ARFGEF3: variants seen among roughly 807,000 people sequenced by gnomAD.
ARFGEF3 encodes brefeldin A-inhibited guanine nucleotide-exchange protein 3.
In ARFGEF3, 96 loss-of-function variants were observed where a neutral mutation model predicts 221.7. That is an observed-to-expected ratio of 0.43 (90% CI 0.37 to 0.51). The LOEUF (loss-of-function observed/expected upper bound fraction) is 0.51, where lower values mean the gene tolerates loss of function less well. ARFGEF3 is among the 20% of genes least tolerant of loss of function. The pLI is 0.00. For synonymous variants in ARFGEF3, 1,145 were observed against 1,126.8 expected, an observed-to-expected ratio of 1.02 and a Z score of -0.32; for missense variants, 2,410 against 2,789.9, an observed-to-expected ratio of 0.86 and a Z score of 3.07.
intron 7 of ARFGEF3, 36 bp from the exon 8 acceptor site, chr6:138,245,477 C>T (rs1459252910): frequency 5.4e-6 from 8 of 1,484,958 alleles, no homozygotes; most frequent in Non-Finnish European, 7.5e-6. Context: ...TGCCCCCTGT[C>T]GATGTCTCAT....
chr6:138,182,762 A>T (rs1400971546), intron 2 of ARFGEF3, among the ~76,000 whole-genome samples: 1 of 152,176 alleles, frequency 6.6e-6, no homozygotes, highest in Non-Finnish European at 1.5e-5. Context: ...GAGGCTAGGT[A>T]ACAATTGATA....
In ARFGEF3 at chr6:138,222,282, T is replaced by C. The variant is rs74824463; in HGVS notation, c.352-7502T>C. Among the ~76,000 whole-genome samples the C allele has an allele frequency of 8.4e-3, 1,274 of 152,292 alleles. 20 individuals are homozygous for C. Among genetic ancestry groups the C allele is most frequent in the African/African-American group, 0.029 (1,213 of 41,562 alleles). On this transcript the variant is annotated intron_variant, in intron 4 of 33. Transcript: ENST00000251691. ...AAAAAAAAATTGCAAAACAAACTTA[T>C]AATGTTTTAAGAAAGTTTACGAATT...
chr6:138,180,817 A>T (rs1291383943), intron 2 of ARFGEF3, among the ~76,000 whole-genome samples: 1 of 152,192 alleles, frequency 6.6e-6, no homozygotes, highest in African/African-American at 2.4e-5. Context: ...CTTGCCATAA[A>T]CAGGTGACCA....
chr6:138,258,017 T>C (rs772106821), intron 10 of ARFGEF3, among the ~76,000 whole-genome samples: 27 of 152,214 alleles, frequency 1.8e-4, no homozygotes, highest in Admixed American at 6.5e-4. Flanking sequence ...GCCTGTTTTA[T>C]TCCTTTTGTC....
At chr6:138,245,153 T>A (rs764855516) in intron 7 of ARFGEF3, among the ~76,000 whole-genome samples, 22 of 151,944 alleles carry the variant, frequency 1.4e-4, no homozygotes, top group Non-Finnish European at 2.5e-4. Context: ...ATACAAAAAA[T>A]TAGCTGGGTG....
intron 2 of ARFGEF3, among the ~76,000 whole-genome samples, chr6:138,196,104 T>A (rs9385828): frequency 0.073 from 11,175 of 152,244 alleles, 798 homozygotes; most frequent in East Asian, 0.37. Flanking sequence ...TGGTAACCAT[T>A]AAGGTCTCAT....
In ARFGEF3 at chr6:138,323,654, C is replaced by T. The variant is rs202189157; in HGVS notation, c.4767-17C>T. On this transcript the variant is annotated splice_polypyrimidine_tract_variant and intron_variant, in intron 29 of 33. Transcript: ENST00000251691. ...CAACAACAAAAAAAAAACTCCTTTA[C>T]TTGTTTCTTTTGGCAGATACGTCCT... 2.4e-5 allele frequency: 38 copies of T among 1,598,130 alleles called. No homozygotes were observed. The African/African-American group carries it at 4.5e-4, about 19-fold the overall frequency.
Position 138,253,997 on chromosome 6 carries a change from T to C in ARFGEF3, c.770+13T>C. 6.5e-7 allele frequency: 1 copy of C among 1,536,544 alleles called. No individual in the cohort carries two copies. The highest frequency in any genetic ancestry group is 8.7e-7 in the Non-Finnish European group (1 of 1,143,200). ...CGGACCTGATCTGGTGAGCACCCAC[T>C]CCTGACGCCCCGACGCTGATGCCAA... On this transcript the variant is annotated intron_variant, in intron 9 of 33. Transcript: ENST00000251691.
intron 26 of ARFGEF3, among the ~76,000 whole-genome samples, chr6:138,315,156 T>G (rs1169932936): frequency 6.6e-6 from 1 of 152,210 alleles, no homozygotes. Context: ...ACTATTTGGT[T>G]AGAGACTGGG....
chr6:138,270,063 G>A (rs1400257662), intron 12 of ARFGEF3, among the ~76,000 whole-genome samples: 1 of 152,110 alleles, frequency 6.6e-6, no homozygotes, highest in Non-Finnish European at 1.5e-5. Flanking sequence ...GGCAAGGCTA[G>A]CAAAGGAGCC....
rs1779418463 is a variant in ARFGEF3 at position 138,291,982 on chromosome 6, C to T, written c.3297C>T (p.Phe1099=). The T allele has an allele frequency of 1.3e-6, 2 of 1,535,494 alleles. No homozygotes were observed. Among genetic ancestry groups the T allele is most frequent in the South Asian group, 1.2e-5 (1 of 82,828 alleles). The change falls in exon 19 of 34, where the codon TTC becomes TTT. Residue 1099 remains phenylalanine (F), a synonymous_variant. Coordinates refer to ENST00000251691, the MANE Select transcript of ARFGEF3 (RefSeq NM_020340.5). The surrounding 1 kb of genome is among the most constrained non-coding windows in gnomAD (Gnocchi z 4.5). ...REGSRGRASD[F]RGGSLMSGSS... is the part of the protein sequence containing the mutation. The stretch of plus-strand genomic sequence containing the variant: ...GCAGCCGGGGTCGGGCCTCCGACTT[C>T]CGCGGCGGGAGCCTCATGAGCGGGA...
intron 4 of ARFGEF3, among the ~76,000 whole-genome samples, chr6:138,226,918 A>G (rs1778094954): frequency 6.6e-6 from 1 of 152,210 alleles, no homozygotes; most frequent in Non-Finnish European, 1.5e-5. Flanking sequence ...CATGGACACC[A>G]TCAGCCCTGT....
At chr6:138,274,929 G>GA (rs1435588505) in intron 12 of ARFGEF3, among the ~76,000 whole-genome samples, 2 of 151,444 alleles carry the variant, frequency 1.3e-5, no homozygotes, top group East Asian at 2.0e-4. Context: ...CCAACACGGA[G>GA]AAACCCCGTC....
rs1189149086 is a variant in ARFGEF3 at position 138,313,715 on chromosome 6, A to G, written c.4201-80A>G. 37 of 1,177,030 alleles carry G rather than the reference A, an allele frequency of 3.1e-5. 1 individual carries two copies. The Admixed American group carries it at 7.5e-4, about 24-fold the overall frequency. 72.9% of individuals were successfully genotyped at this position (1,177,030 alleles called of 1,614,324 possible). On this transcript the variant is annotated intron_variant, in intron 25 of 33. Coordinates refer to ENST00000251691, the MANE Select transcript of ARFGEF3 (RefSeq NM_020340.5). ...TCCCATCTCCTTTTAGTACTAGTGT[A>G]TAATTTCATTATTCTTTAAAACCCA...
intron 15 of ARFGEF3, 65 bp from the exon 16 acceptor site, chr6:138,286,636 T>C: frequency 7.8e-7 from 1 of 1,283,864 alleles, no homozygotes; most frequent in South Asian, 1.2e-5. Context: ...CAAGAGAATG[T>C]GATGTCATTC....
rs565397805 is a variant in ARFGEF3 at position 138,343,516 on chromosome 6, A to G, written c.*7030A>G. The G allele has an allele frequency of 6.6e-6, 1 of 151,024 alleles. No individual in the cohort carries two copies. Among genetic ancestry groups the G allele is most frequent in the African/African-American group, 2.4e-5 (1 of 41,120 alleles). 9.4% of individuals were successfully genotyped at this position (151,024 alleles called of 1,614,324 possible). On this transcript the variant is annotated 3_prime_UTR_variant, in exon 34 of 34. Transcript: ENST00000251691. The stretch of plus-strand genomic sequence containing the variant: ...CATAATTTTTGGAAATTATGTGTGC[A>G]TTTAGTTCTTTTAGTAACACTGATT...
chr6:138,227,631 G>A (rs972300445), intron 4 of ARFGEF3, among the ~76,000 whole-genome samples: 7 of 151,868 alleles, frequency 4.6e-5, no homozygotes, highest in East Asian at 3.9e-4. Context: ...CAGACTCCCC[G>A]CCCCCCGCCA....
Position 138,255,741 on chromosome 6 carries a change from G to C in ARFGEF3, c.1076G>C (p.Arg359Pro). The change falls in exon 10 of 34, where the codon CGG (arginine) becomes CCG (proline). Residue 359 changes from arginine to proline, a missense_variant. Physicochemically the swap from Arg to Pro is moderately radical, Grantham distance 103. This residue lies in a region of ARFGEF3 where 570 missense variants were observed against 586.9 expected (regional missense o/e 0.97). Coordinates refer to ENST00000251691, the MANE Select transcript of ARFGEF3 (RefSeq NM_020340.5). ...RVLLYPPPQHRVEAIKIMKEI... is the reference protein window; with the variant it reads ...RVLLYPPPQHPVEAIKIMKEI... ...CTGCTCTACCCCCCACCCCAGCACC[G>C]GGTGGAAGCCATCAAAATAATGAAA... The C allele has an allele frequency of 6.3e-7, 1 of 1,579,956 alleles. No homozygotes were observed. Among genetic ancestry groups the C allele is most frequent in the African/African-American group, 1.3e-5 (1 of 74,156 alleles).
At chr6:138,255,797 G>C in intron 10 of ARFGEF3, 28 bp downstream of exon 10, 6 of 1,471,304 alleles carry the variant, frequency 4.1e-6, no homozygotes, top group Non-Finnish European at 5.4e-6. Context: ...ATCGCCACCA[G>C]GTTTACAAGG....
Sources: gnomAD v4.1 joint callset for allele counts (sites outside exome capture counted in the v4.1 genomes callset) on GRCh38, gnomAD v4.1.1 for gene constraint, gnomAD v4.1.1 regional missense constraint, Gnocchi (gnomAD v3.1) non-coding constraint, MANE v1.5 for transcripts, NCBI Gene and HGNC (gene_info 2026-07-23, HGNC 2026-07-21) for gene names.